The following RPA1 variants were observed in gnomAD, a reference collection of about 807,000 sequenced individuals.
RPA1 encodes the protein replication protein A1.
Under a neutral mutation model 83.0 loss-of-function variants are expected in RPA1, and 49 were observed. That is an observed-to-expected ratio of 0.59 (90% CI 0.47 to 0.75). The LOEUF (loss-of-function observed/expected upper bound fraction) is 0.75. Among genes scored for constraint, RPA1 ranks in the 30% least tolerant of loss-of-function variants. RPA1 has a pLI of 0.00. For synonymous variants in RPA1, 279 were observed against 281.8 expected, an observed-to-expected ratio of 0.99 and a Z score of 0.10; for missense variants, 693 against 776.1, an observed-to-expected ratio of 0.89 and a Z score of 1.27.
At chr17:1,840,077 C>G (rs1311425836) in intron 1 of RPA1, among the ~76,000 whole-genome samples, 3 of 151,450 alleles carry the variant, frequency 2.0e-5, no homozygotes, top group African/African-American at 7.3e-5. Context: ...TTTGCATACA[C>G]TGAAGTATAG....
At chr17:1,892,687 C>G (rs1024692982) in intron 15 of RPA1, among the ~76,000 whole-genome samples, 8 of 152,124 alleles carry the variant, frequency 5.3e-5, no homozygotes, top group Non-Finnish European at 1.2e-4. Flanking sequence ...TGGGTCTGTC[C>G]TATAAAACAA....
chr17:1,888,152 G>A (rs1171487912), intron 13 of RPA1, among the ~76,000 whole-genome samples: 2 of 152,296 alleles, frequency 1.3e-5, no homozygotes, highest in South Asian at 4.1e-4. Flanking sequence ...TTTACTGTTT[G>A]GCTTTTTACA....
chr17:1,833,581 G>A (rs1303502644), intron 1 of RPA1, among the ~76,000 whole-genome samples: 3 of 152,208 alleles, frequency 2.0e-5, no homozygotes, highest in East Asian at 1.9e-4. Flanking sequence ...TAGGCCAGGC[G>A]CAGTGGCTCA....
chr17:1,868,137 T>C (rs1417156037), intron 5 of RPA1, among the ~76,000 whole-genome samples: 2 of 152,150 alleles, frequency 1.3e-5, no homozygotes, highest in African/African-American at 2.4e-5. Context: ...TATTCCTTTA[T>C]TTCAGTACCC....
At chr17:1,834,396 G>A (rs905421249) in intron 1 of RPA1, among the ~76,000 whole-genome samples, 4 of 152,106 alleles carry the variant, frequency 2.6e-5, no homozygotes, top group South Asian at 2.1e-4. Context: ...TATTTCCAGC[G>A]TAGGTGAAGT....
rs1244493554 is a variant in RPA1 at position 1,885,964 on chromosome 17, C to T, written c.1374+2020C>T. On this transcript the variant is annotated intron_variant, in intron 13 of 16. Transcript: ENST00000254719. ...CCTTGTTCTGTGCATCTCCATTGAG[C>T]CCTCGGGTGAACAGGTGCATTGTCA... 2.0e-5 allele frequency among the ~76,000 whole-genome samples: 3 copies of T among 152,126 alleles called. No individual in the cohort carries two copies. The East Asian group carries it at 5.8e-4, about 29-fold the overall frequency.
At chr17:1,831,803 G>A (rs955437510) in intron 1 of RPA1, among the ~76,000 whole-genome samples, 5 of 149,358 alleles carry the variant, frequency 3.3e-5, no homozygotes, top group African/African-American at 1.2e-4. Context: ...GTTTCACCGT[G>A]TTAGCCAGGA....
chr17:1,834,367 A>G (rs1459510530), intron 1 of RPA1, among the ~76,000 whole-genome samples: 2 of 152,120 alleles, frequency 1.3e-5, no homozygotes, highest in Non-Finnish European at 2.9e-5. Context: ...ATGTTTTTAT[A>G]TTCAAAATTT....
chr17:1,831,149 C>T (rs1238179018), intron 1 of RPA1, among the ~76,000 whole-genome samples: 1 of 152,188 alleles, frequency 6.6e-6, no homozygotes, highest in African/African-American at 2.4e-5. Context: ...CTCTAAAAGA[C>T]AAACTTCCGT....
At chr17:1,839,743 C>T (rs1009016696) in intron 1 of RPA1, among the ~76,000 whole-genome samples, 2 of 150,794 alleles carry the variant, frequency 1.3e-5, no homozygotes, top group African/African-American at 4.9e-5. Flanking sequence ...TCAAGTGATC[C>T]TCCCTCCTCA....
In RPA1 at chr17:1,888,674, G is replaced by A; in HGVS notation, c.1375-1G>A. On this transcript the variant is annotated splice_acceptor_variant, in intron 13 of 16. Coordinates refer to ENST00000254719, the MANE Select transcript of RPA1 (RefSeq NM_002945.5). LOFTEE classifies it high-confidence loss of function. ...CCTCATGCTGTTCTTTTCTCCCGAAGCCGGACTACTTTAGTTCTGTGGCCA... is the reference window on the plus strand; with the variant it reads ...CCTCATGCTGTTCTTTTCTCCCGAAACCGGACTACTTTAGTTCTGTGGCCA... The A allele has an allele frequency of 6.2e-7, 1 of 1,608,446 alleles. No individual in the cohort carries two copies. The highest frequency in any genetic ancestry group is 8.5e-7 in the Non-Finnish European group (1 of 1,175,666).
chr17:1,875,798 G>A lies in RPA1; in HGVS notation c.587+5G>A. On this transcript the variant is annotated splice_donor_5th_base_variant and intron_variant, in intron 7 of 16. Coordinates refer to ENST00000254719, the MANE Select transcript of RPA1 (RefSeq NM_002945.5). ...CCTCACTCCTTACCAGTCCAAGTGA[G>A]TTGTTGCATAGAGTAAGTTCAGAGT... 8.7e-6 allele frequency: 14 copies of A among 1,611,860 alleles called. No homozygotes were observed. Among genetic ancestry groups the A allele is most frequent in the Non-Finnish European group, 1.2e-5 (14 of 1,179,208 alleles).
At position 1,885,436 on chromosome 17, in the gene RPA1, T is replaced by A. The variant is rs574441617; in HGVS notation, c.1374+1492T>A. The stretch of plus-strand genomic sequence containing the variant: ...AACTTGTTCCAAACTCCCGTTGATG[T>A]TGGGATTTTGATCTCCTCCCATGAA... On this transcript the variant is annotated intron_variant, in intron 13 of 16. Transcript: ENST00000254719. 1.7e-4 allele frequency among the ~76,000 whole-genome samples: 26 copies of A among 152,274 alleles called. No homozygotes were observed. The South Asian group carries it at 5.4e-3, about 32-fold the overall frequency.
At chr17:1,890,876 C>T (rs867654488) in intron 14 of RPA1, among the ~76,000 whole-genome samples, 5 of 152,138 alleles carry the variant, frequency 3.3e-5, no homozygotes, top group South Asian at 2.1e-4. Context: ...ATTTATCACA[C>T]GTGTGCGTCA....
chr17:1,843,989 A>G lies in RPA1; in HGVS notation c.154A>G (p.Thr52Ala), dbSNP rs781732764. ...ACTGCTCATGAGTGATGGATTGAAC[A>G]CTCTATCCTGTGAGTATGGTGTATC... Reference protein sequence around the residue: ...YRLLMSDGLNTLSSFMLATQL... With the variant: ...YRLLMSDGLNALSSFMLATQL... Residue 52 changes from threonine to alanine, a missense_variant, in exon 3 of 17, where the codon ACT becomes GCT. Thr to Ala is a moderately conservative substitution (Grantham distance 58). Transcript: ENST00000254719. The G allele has an allele frequency of 1.2e-6, 2 of 1,612,288 alleles. No homozygotes were observed. Among genetic ancestry groups the G allele is most frequent in the East Asian group, 2.2e-5 (1 of 44,868 alleles).
chr17:1,893,293 C>T (rs745500933), intron 15 of RPA1, among the ~76,000 whole-genome samples: 1 of 152,148 alleles, frequency 6.6e-6, no homozygotes, highest in Non-Finnish European at 1.5e-5. Flanking sequence ...TTTTTTCTGC[C>T]GGTGAATGAG....
intron 1 of RPA1, 33 bp from the exon 2 acceptor site, chr17:1,842,770 G>A (rs1912102688): frequency 1.1e-5 from 17 of 1,587,096 alleles, no homozygotes; most frequent in Admixed American, 1.7e-5. Flanking sequence ...ATTTGAGTGC[G>A]TATCTCACAC....
At chr17:1,896,965 C>T (rs1305074948) in intron 16 of RPA1, 106 bp from the exon 17 acceptor site, 7 of 870,158 alleles carry the variant, frequency 8.0e-6, no homozygotes, top group East Asian at 8.0e-5. Context: ...TGAACCCGTG[C>T]GTCTGTTCCC....
intron 5 of RPA1, among the ~76,000 whole-genome samples, chr17:1,870,644 T>C (rs1325918698): frequency 6.6e-6 from 1 of 152,236 alleles, no homozygotes; most frequent in Non-Finnish European, 1.5e-5. Context: ...CCCGCCATTC[T>C]CTGGTGACCC....
Sources: gnomAD v4.1 joint callset for allele counts (sites outside exome capture counted in the v4.1 genomes callset) on GRCh38, gnomAD v4.1.1 for gene constraint, MANE v1.5 for transcripts, NCBI Gene and HGNC (gene_info 2026-07-23, HGNC 2026-07-21) for gene names.